The following P2RY12 variants were observed in gnomAD, a reference collection of about 807,000 sequenced individuals.
P2RY12 encodes the protein purinergic receptor P2Y12, also known as P2Y purinoceptor 12.
In P2RY12, 3 loss-of-function variants were observed where a neutral mutation model predicts 4.5. That is an observed-to-expected ratio of 0.67 (90% confidence interval 0.31 to 1.74). The LOEUF is 1.74. Among genes scored for constraint, P2RY12 ranks in the 40% most tolerant of loss-of-function variants. The pLI, the probability that P2RY12 is intolerant of heterozygous loss-of-function variation, is 0.09. For synonymous variants in P2RY12, 148 were observed against 154.1 expected, an observed-to-expected ratio of 0.96 and a Z score of 0.29; for missense variants, 356 against 407.8, an observed-to-expected ratio of 0.87 and a Z score of 1.09.
At chr3:151,366,046 T>G (rs2107923736) in intron 1 of P2RY12, 3 of 1,363,710 alleles carry the variant, frequency 2.2e-6, no homozygotes, top group Non-Finnish European at 2.9e-6. Flanking sequence ...ATTTAGTTAG[T>G]GGGTAATCTT....
chr3:151,374,312 C>T (rs1356174228), intron 1 of P2RY12, among the ~76,000 whole-genome samples: 2 of 152,180 alleles, frequency 1.3e-5, no homozygotes, highest in African/African-American at 2.4e-5. Context: ...CTTTGGGAGG[C>T]TGAGGCAGGT....
rs561929730 is a variant in P2RY12 at position 151,369,437 on chromosome 3, C to T, written c.-180+15255G>A. The T allele has an allele frequency of 1.1e-5, 18 of 1,597,054 alleles. No individual in the cohort carries two copies. The African/African-American group carries it at 1.7e-4, about 16-fold the overall frequency. On this transcript the variant is annotated intron_variant, in intron 1 of 2. Coordinates refer to ENST00000302632, the MANE Select transcript of P2RY12 (RefSeq NM_022788.5). ...ATTAAAGATTTGTTGTTTTTGTAGG[C>T]AAACCTTTCCCTGGAATAAGATCAT...
rs568087486 is a variant in P2RY12, at chr3:151,357,394, CATT to C, written c.-179-16637_-179-16635del. 2.0e-4 allele frequency: 308 copies of C among 1,542,368 alleles called. No homozygotes were observed. The African/African-American group carries it at 3.4e-3, about 17-fold the overall frequency. ...TTTGAAGGGTTGGTATATAGCATGT[CATT>C]GTTGTTTTTCCAATCTCAGAATGTA... On this transcript the variant is annotated intron_variant, in intron 1 of 2. Coordinates refer to ENST00000302632, the MANE Select transcript of P2RY12 (RefSeq NM_022788.5).
intron 1 of P2RY12, among the ~76,000 whole-genome samples, chr3:151,359,734 T>C (rs1754376092): frequency 6.6e-6 from 1 of 152,112 alleles, no homozygotes; most frequent in South Asian, 2.1e-4. Flanking sequence ...TGTGACTCCG[T>C]TAGTGTAATA....
intron 1 of P2RY12, among the ~76,000 whole-genome samples, chr3:151,348,634 G>T (rs931175246): frequency 1.3e-5 from 2 of 151,782 alleles, no homozygotes; most frequent in Non-Finnish European, 2.9e-5. Flanking sequence ...TTTGGGGGTG[G>T]GGAATAGATA....
At chr3:151,368,015 G>A in intron 1 of P2RY12, 3 of 833,006 alleles carry the variant, frequency 3.6e-6, no homozygotes, top group South Asian at 1.8e-5. Context: ...CAGAAAAATA[G>A]CCAGGGCCTT....
At chr3:151,371,992 A>C (rs1756246291) in intron 1 of P2RY12, among the ~76,000 whole-genome samples, 1 of 152,196 alleles carries the variant, frequency 6.6e-6, no homozygotes, top group African/African-American at 2.4e-5. Context: ...GGAAGGTAAA[A>C]AAACAGGGGT....
At chr3:151,374,201 A>G (rs972800017) in intron 1 of P2RY12, among the ~76,000 whole-genome samples, 12 of 150,358 alleles carry the variant, frequency 8.0e-5, no homozygotes, top group African/African-American at 2.5e-4. Flanking sequence ...GGCATGTTAA[A>G]TGTGCTATCC....
chr3:151,376,288 T>A, intron 1 of P2RY12: 1 of 1,164,884 alleles, frequency 8.6e-7, no homozygotes, highest in Admixed American at 3.0e-5. Context: ...ACTTCCTCTC[T>A]TTTTTTGTCC....
At chr3:151,356,283 T>G (rs1753911958) in intron 1 of P2RY12, among the ~76,000 whole-genome samples, 1 of 152,010 alleles carries the variant, frequency 6.6e-6, no homozygotes, top group African/African-American at 2.4e-5. Flanking sequence ...TCCCAGCTAC[T>G]TGGGAGGCTG....
At chr3:151,374,919 T>C (rs1756642709) in intron 1 of P2RY12, among the ~76,000 whole-genome samples, 1 of 152,214 alleles carries the variant, frequency 6.6e-6, no homozygotes, top group African/African-American at 2.4e-5. Context: ...TATATTTGTT[T>C]TAAAAGTTCT....
At chr3:151,347,811 C>T (rs780515150) in intron 1 of P2RY12, among the ~76,000 whole-genome samples, 21 of 152,098 alleles carry the variant, frequency 1.4e-4, no homozygotes, top group Non-Finnish European at 2.2e-4. Context: ...TACAAGGAAG[C>T]GATGTTACCC....
intron 1 of P2RY12, among the ~76,000 whole-genome samples, chr3:151,345,738 G>A (rs1338834925): frequency 1.3e-5 from 2 of 151,834 alleles, no homozygotes; most frequent in Non-Finnish European, 2.9e-5. Flanking sequence ...GGCTGGTCTC[G>A]AACTCATGAC....
At chr3:151,348,786 G>A (rs1752883093) in intron 1 of P2RY12, among the ~76,000 whole-genome samples, 1 of 152,200 alleles carries the variant, frequency 6.6e-6, no homozygotes, top group South Asian at 2.1e-4. Context: ...ATTGGAGAGA[G>A]AAAAACAGGC....
intron 1 of P2RY12, chr3:151,384,014 A>G: frequency 6.5e-7 from 1 of 1,529,504 alleles, no homozygotes; most frequent in Non-Finnish European, 8.9e-7. Context: ...TGCCTTGAAT[A>G]AAAATACTCA....
Position 151,375,173 on chromosome 3 carries a change from A to G in P2RY12, c.-180+9519T>C, listed in dbSNP as rs1390699240. 2.6e-5 allele frequency among the ~76,000 whole-genome samples: 4 copies of G among 152,350 alleles called. No homozygotes were observed. The East Asian group carries it at 7.7e-4, about 29-fold the overall frequency. On this transcript the variant is annotated intron_variant, in intron 1 of 2. Transcript: ENST00000302632. ...AAAAAATTACTGATATTTGGGTGCC[A>G]CCACCTGAGTTTGACTTAATTAGTC...
At chr3:151,377,260 T>A in intron 1 of P2RY12, 3 of 1,138,764 alleles carry the variant, frequency 2.6e-6, no homozygotes, top group Non-Finnish European at 3.7e-6. Context: ...GTGATTTTTC[T>A]TTAAGTCATA....
chr3:151,380,613 AAAC>A (rs1323895723), intron 1 of P2RY12, among the ~76,000 whole-genome samples: 116 of 151,924 alleles, frequency 7.6e-4, no homozygotes, highest in Non-Finnish European at 9.1e-4. Context: ...AAAAAAAAAA[AAAC>A]AACTAGTAAG....
chr3:151,369,476 C>A, intron 1 of P2RY12: 1 of 1,611,742 alleles, frequency 6.2e-7, no homozygotes, highest in Non-Finnish European at 8.5e-7. Context: ...GTGATAGACA[C>A]CTCTTAGCCG....
Sources: gnomAD v4.1 joint callset for allele counts (sites outside exome capture counted in the v4.1 genomes callset) on GRCh38, gnomAD v4.1.1 for gene constraint, MANE v1.5 for transcripts, NCBI Gene and HGNC (gene_info 2026-07-23, HGNC 2026-07-21) for gene names.